The following FAT2 variants were observed in gnomAD, a reference collection of about 807,000 sequenced individuals.
The protein encoded by FAT2 is FAT atypical cadherin 2.
Under a neutral mutation model 295.3 loss-of-function variants are expected in FAT2, and 150 were observed. The observed-to-expected ratio is 0.51, with a 90% CI of 0.44 to 0.58. The LOEUF (loss-of-function observed/expected upper bound fraction) is 0.58, where lower values mean the gene tolerates loss of function less well. Among genes scored for constraint, FAT2 ranks in the 20% least tolerant of loss-of-function variants. The probability of loss-of-function intolerance (pLI) is 0.00; values close to 1 mark genes in which losing one functional copy is unlikely to be tolerated. For synonymous variants in FAT2, 2,026 were observed against 2,150.3 expected, an observed-to-expected ratio of 0.94 and a Z score of 1.60; for missense variants, 4,868 against 5,442.7, an observed-to-expected ratio of 0.89 and a Z score of 3.32.
chr5:151,537,224 G>C (rs1755436051), intron 12 of FAT2, among the ~76,000 whole-genome samples: 1 of 150,812 alleles, frequency 6.6e-6, no homozygotes, highest in African/African-American at 2.4e-5. Flanking sequence ...AGAAGAAGAG[G>C]AGGAGGAGGA....
Position 151,506,051 on chromosome 5 carries a change from G to T in FAT2, c.12564C>A (p.Asn4188Lys). The T allele has an allele frequency of 1.3e-6, 2 of 1,555,568 alleles. No individual in the cohort carries two copies. Among genetic ancestry groups the T allele is most frequent in the Non-Finnish European group, 1.7e-6 (2 of 1,157,304 alleles). The change falls in exon 24 of 24, where the codon AAC becomes AAA. Residue 4188 changes from asparagine to lysine, a missense_variant. Coordinates refer to ENST00000261800, the MANE Select transcript of FAT2 (RefSeq NM_001447.3). ...CGGAGTGGGGGTATTCCCAGCGTTCGTTCCTGGAGTAAGTAGGGGGCCAGA... is the reference window on the plus strand; with the variant it reads ...CGGAGTGGGGGTATTCCCAGCGTTCTTTCCTGGAGTAAGTAGGGGGCCAGA... ...AMVWPPTYSR[N>K]ERWEYPHSEV...
chr5:151,510,243 G>A, intron 21 of FAT2, 69 bp from the exon 22 acceptor site: 1 of 1,548,588 alleles, frequency 6.5e-7, no homozygotes, highest in Non-Finnish European at 8.9e-7. Flanking sequence ...GGCATTGGCA[G>A]ACTGGTGTGT....
chr5:151,540,549 C>A lies in FAT2; in HGVS notation c.9039+18G>T, dbSNP rs2127602079. ...TCCTTGCCTTCACTACCCACTCCAC[C>A]CCTCGCCAGGCTCTCACCTGTGAAC... On this transcript the variant is annotated intron_variant, in intron 11 of 23. Coordinates refer to ENST00000261800, the MANE Select transcript of FAT2 (RefSeq NM_001447.3). The A allele has an allele frequency of 6.3e-7, 1 of 1,599,420 alleles. No homozygotes were observed. The highest frequency in any genetic ancestry group is 1.1e-5 in the South Asian group (1 of 89,224).
chr5:151,560,669 C>A (rs1757979109), intron 3 of FAT2, among the ~76,000 whole-genome samples: 1 of 152,204 alleles, frequency 6.6e-6, no homozygotes, highest in South Asian at 2.1e-4. Flanking sequence ...CAAACTGGTT[C>A]TATTGTGTTT....
At chr5:151,570,712 A>T (rs1306392529) in intron 1 of FAT2, among the ~76,000 whole-genome samples, 1 of 152,200 alleles carries the variant, frequency 6.6e-6, no homozygotes, top group African/African-American at 2.4e-5. Context: ...TGCCAGCCAG[A>T]TGCGCTGGAG....
rs984044264 is a variant in FAT2, at chr5:151,591,232, C to T, written c.-88G>A. 6.6e-6 allele frequency among the ~76,000 whole-genome samples: 1 copy of T among 152,344 alleles called. No individual in the cohort carries two copies. Among genetic ancestry groups the T allele is most frequent in the Admixed American group, 6.5e-5 (1 of 15,312 alleles). On this transcript the variant is annotated 5_prime_UTR_variant, in exon 1 of 24. Transcript: ENST00000261800. The stretch of plus-strand genomic sequence containing the variant: ...TGGGCTGGCGCCCCTCTCACGAGGG[C>T]CAGGCTGACAGGCTCCTGAGGGAGG...
chr5:151,545,678 G>A lies in FAT2; in HGVS notation c.5449C>T (p.Pro1817Ser), dbSNP rs761864374. ...ACAATGGTTAGGGTTCCCATGCTGG[G>A]ATCAATTTTGAAAAACTTCAAGGCC... is the stretch of plus-strand genomic sequence containing the variant. ...PEALKFFKID[P>S]SMGTLTIVSE... The change falls in exon 10 of 24, where the codon CCC becomes TCC. Residue 1817 changes from proline to serine, a missense_variant. By Grantham distance (74) the Pro-to-Ser change is moderately conservative. Transcript: ENST00000261800. The A allele has an allele frequency of 1.3e-5, 21 of 1,614,016 alleles. No individual in the cohort carries two copies. The highest frequency in any genetic ancestry group is 8.3e-5 in the Admixed American group (5 of 60,000).
intron 4 of FAT2, 24 bp downstream of exon 4, chr5:151,556,320 A>C (rs1326615865): frequency 3.1e-6 from 5 of 1,607,952 alleles, no homozygotes; most frequent in Non-Finnish European, 4.3e-6. Context: ...AATCACCACA[A>C]ATGGATTCAC....
Position 151,505,600 on chromosome 5 carries a change from T to C in FAT2, c.13015A>G (p.Ser4339Gly). ...PNYEGSDMVE[S>G]DYGSCEEVMF ...ACCTCCTCACAGCTGCCATAATCAC[T>C]CTCCACCATGTCAGAGCCCTCATAG... Residue 4339 changes from serine (S) to glycine (G), a missense_variant, in exon 24 of 24, where the codon AGT becomes GGT. Physicochemically the swap from Ser to Gly is moderately conservative, Grantham distance 56. Around this residue, in one of 5 missense-constraint regions of FAT2, gnomAD observed 492 missense variants for 482.6 expected, o/e 1.02. Coordinates refer to ENST00000261800, the MANE Select transcript of FAT2 (RefSeq NM_001447.3). 2.5e-6 allele frequency: 4 copies of C among 1,614,008 alleles called. No individual in the cohort carries two copies. The highest frequency in any genetic ancestry group is 3.4e-6 in the Non-Finnish European group (4 of 1,179,990).
chr5:151,594,259 A>G (rs940063037), upstream of FAT2, among the ~76,000 whole-genome samples: 4 of 151,976 alleles, frequency 2.6e-5, no homozygotes, highest in Non-Finnish European at 4.4e-5. Flanking sequence ...CCCTCTCCTC[A>G]CAACCCCTGT....
At chr5:151,510,331 C>CAA in intron 21 of FAT2, 157 bp from the exon 22 acceptor site, 4 of 789,638 alleles carry the variant, frequency 5.1e-6, no homozygotes, top group Non-Finnish European at 7.9e-6. Flanking sequence ...CATTGGTGCC[C>CAA]TGCTGAACCA....
intron 13 of FAT2, among the ~76,000 whole-genome samples, chr5:151,532,626 A>G (rs1412076086): frequency 2.0e-5 from 3 of 152,230 alleles, no homozygotes; most frequent in African/African-American, 7.2e-5. Context: ...TTACGTCAAC[A>G]TAAAAAGTTA....
In FAT2 at chr5:151,543,906, G is replaced by A; in HGVS notation, c.7221C>T (p.Asp2407=). The A allele has an allele frequency of 6.2e-7, 1 of 1,614,222 alleles. No homozygotes were observed. Among genetic ancestry groups the A allele is most frequent in the East Asian group, 2.2e-5 (1 of 44,886 alleles). The change falls in exon 10 of 24, where the codon GAC becomes GAT. Residue 2407 remains aspartate, a synonymous_variant. Transcript: ENST00000261800. ...ACTCCAGGCGGGAGGTGTCTCTGCT[G>A]TCAGGGTCAATAGCCTGGACTTTAA... ...LVLKVQAIDP[D]SRDTSRLEYL... is the part of the protein sequence containing the mutation.
chr5:151,574,362 G>A (rs888162432), intron 1 of FAT2, among the ~76,000 whole-genome samples: 1 of 152,144 alleles, frequency 6.6e-6, no homozygotes, highest in African/African-American at 2.4e-5. Context: ...CAGGTGTTCA[G>A]TGCTAAGACT....
chr5:151,567,032 TG>T lies in FAT2; in HGVS notation c.1899del (p.Thr634ProfsTer5). The T allele has an allele frequency of 3.1e-6, 5 of 1,614,072 alleles. No individual in the cohort carries two copies. The highest frequency in any genetic ancestry group is 4.2e-6 in the Non-Finnish European group (5 of 1,180,012). ...RPFINLTAGQPTSYSLKITAS... is the reference protein window; with the variant it reads ...RPFINLTAGQXTSYSLKITAS... ...GCTGTAATCTTCAGGGAATAACTGG[TG>T]GGTTGACCAGCAGTAAGATTGATAA... On this transcript the variant is annotated frameshift_variant, in exon 2 of 24. Transcript: ENST00000261800. LOFTEE classifies it high-confidence loss of function.
chr5:151,563,777 C>G, intron 2 of FAT2, 138 bp from the exon 3 acceptor site: 1 of 663,258 alleles, frequency 1.5e-6, no homozygotes, highest in Non-Finnish European at 2.6e-6. Flanking sequence ...GAAGGAACTG[C>G]TTCTACCAGT....
Position 151,543,387 on chromosome 5 carries a change from G to T in FAT2, c.7740C>A (p.Asp2580Glu), listed in dbSNP as rs142928047. ...TVKIILTDEN[D>E]NPPQFKASEY... ...CAGATGCTTTGAACTGTGGGGGGTT[G>T]TCATTTTCATCTGTGAGGATGATCT... The change falls in exon 10 of 24, where the codon GAC becomes GAA. Residue 2580 changes from aspartate to glutamate, a missense_variant. Physicochemically the swap from Asp to Glu is conservative, Grantham distance 45 (BLOSUM62 2). Transcript: ENST00000261800. The T allele has an allele frequency of 1.9e-6, 3 of 1,614,162 alleles. No homozygotes were observed. Among genetic ancestry groups the T allele is most frequent in the Non-Finnish European group, 2.5e-6 (3 of 1,180,034 alleles).
At chr5:151,590,150 G>A (rs896441768) in intron 1 of FAT2, among the ~76,000 whole-genome samples, 2 of 152,210 alleles carry the variant, frequency 1.3e-5, no homozygotes, top group African/African-American at 4.8e-5. Context: ...ACGAGCATAA[G>A]CTGTAATAAC....
At chr5:151,522,704 C>A (rs1262311459) in intron 18 of FAT2, among the ~76,000 whole-genome samples, 1 of 152,104 alleles carries the variant, frequency 6.6e-6, no homozygotes, top group Non-Finnish European at 1.5e-5. Flanking sequence ...TGTGGAGTGA[C>A]ATTTGAGTCC....
Sources: allele counts gnomAD v4.1 joint callset (sites outside exome capture counted in the v4.1 genomes callset), GRCh38; gene constraint gnomAD v4.1.1; regional missense constraint gnomAD v4.1.1; transcripts MANE v1.5; gene names NCBI Gene and HGNC (gene_info 2026-07-23, HGNC 2026-07-21).